NEK3: variants seen among roughly 807,000 people sequenced by gnomAD.
The protein encoded by NEK3 is serine/threonine-protein kinase Nek3.
In NEK3, 54 loss-of-function variants were observed where a neutral mutation model predicts 66.0. The ratio of observed to expected loss-of-function variants is 0.82; its 90% CI spans 0.66 to 1.03. The LOEUF is 1.03. NEK3 is among the 50% of genes least tolerant of loss of function. The pLI is 0.00. For synonymous variants in NEK3, 200 were observed against 206.2 expected (o/e 0.97, Z 0.26); for missense variants, 593 against 603.0 (o/e 0.98, Z 0.17).
chr13:52,145,902 T>C (rs944556458), intron 8 of NEK3, among the ~76,000 whole-genome samples: 1 of 152,186 alleles, frequency 6.6e-6, no homozygotes, highest in African/African-American at 2.4e-5. Context: ...CATTTACCTA[T>C]GTAACAAAGC....
In NEK3 at chr13:52,143,957, C is replaced by A; in HGVS notation, c.835G>T (p.Glu279Ter). 6.7e-7 allele frequency: 1 copy of A among 1,502,906 alleles called. No individual in the cohort carries two copies. The highest frequency in any genetic ancestry group is 9.0e-7 in the Non-Finnish European group (1 of 1,108,968). 93.1% of individuals were successfully genotyped at this position (1,502,906 alleles called of 1,614,324 possible). A position where few individuals can be genotyped will look rare whatever the true frequency, so the allele number is the denominator to read the frequency against. ...IIMEYGEEVL[E>*]EIKNSKHNTP... is the part of the protein sequence containing the mutation. ...TTATGCTTCGAATTTTTTATTTCTT[C>A]TAATACTTCCTCACCATATTCCATG... Residue 279 changes from glutamate (E) to a stop codon, truncating the protein, a stop_gained, in exon 10 of 16, where the codon GAA (glutamate) becomes TAA (stop). Transcript: ENST00000610828. LOFTEE classifies it high-confidence loss of function.
rs1461223475 is a variant in NEK3 at position 52,133,679 on chromosome 13, C to G, written c.1436+10G>C. 1.9e-6 allele frequency: 3 copies of G among 1,551,118 alleles called. No individual in the cohort carries two copies. The highest frequency in any genetic ancestry group is 1.7e-4 in the Middle Eastern group (1 of 6,018). ...CCCAGCTACAGCTTTCTATGCATAT[C>G]ACAACGTACGTGTCCTCCTCATCTA... On this transcript the variant is annotated intron_variant, in intron 15 of 15. Coordinates refer to ENST00000610828, the MANE Select transcript of NEK3 (RefSeq NM_002498.3).
intron 8 of NEK3, among the ~76,000 whole-genome samples, chr13:52,147,094 A>G (rs1300437741): frequency 8.5e-5 from 13 of 152,316 alleles, no homozygotes; most frequent in East Asian, 3.9e-4. Flanking sequence ...TCTTGAAAAA[A>G]CACATTATAG....
In NEK3 at chr13:52,151,855, G is replaced by A. The variant is rs115897854; in HGVS notation, c.394-463C>T. 7.1e-3 allele frequency among the ~76,000 whole-genome samples: 1,087 copies of A among 152,260 alleles called. 12 individuals carry two copies. The highest frequency in any genetic ancestry group is 0.025 in the African/African-American group (1,036 of 41,550). ...CTATAATACCATATTTTTACTGTAC[G>A]TTTTCTATGTTTAAATATACAACTA... On this transcript the variant is annotated intron_variant, in intron 5 of 15. Transcript: ENST00000610828.
chr13:52,151,553 T>C (rs1159949407), intron 5 of NEK3, among the ~76,000 whole-genome samples, 161 bp from the exon 6 acceptor site: 2 of 152,232 alleles, frequency 1.3e-5, no homozygotes, highest in African/African-American at 4.8e-5. Flanking sequence ...TCTTGATCGC[T>C]AGACATTCCC....
intron 11 of NEK3, among the ~76,000 whole-genome samples, chr13:52,138,737 C>T (rs1232109972): frequency 6.6e-6 from 1 of 152,064 alleles, no homozygotes; most frequent in Non-Finnish European, 1.5e-5. Flanking sequence ...CAACACCAGC[C>T]TGGGCAACAT....
At position 52,143,962 on chromosome 13, in the gene NEK3, A is replaced by T; in HGVS notation, c.830T>A (p.Val277Glu). ...CTTCGAATTTTTTATTTCTTCTAAT[A>T]CTTCCTCACCATATTCCATGATGAT... Reference protein sequence around the residue: ...PEIIMEYGEEVLEEIKNSKHN... With the variant: ...PEIIMEYGEEELEEIKNSKHN... The change falls in exon 10 of 16, where the codon GTA becomes GAA. Residue 277 changes from valine (V) to glutamate (E), a missense_variant. Val to Glu is a moderately radical substitution (Grantham distance 121, BLOSUM62 -2). Transcript: ENST00000610828. 1 of 1,506,322 alleles carries T rather than the reference A, an allele frequency of 6.6e-7. No homozygotes were observed. The highest frequency in any genetic ancestry group is 9.0e-7 in the Non-Finnish European group (1 of 1,111,350). 93.3% of individuals were successfully genotyped at this position (1,506,322 alleles called of 1,614,324 possible).
chr13:52,156,045 T>C, intron 2 of NEK3, 30 bp downstream of exon 2: 1 of 1,424,620 alleles, frequency 7.0e-7, no homozygotes, highest in Non-Finnish European at 9.7e-7. Context: ...ATGTATACTT[T>C]CAAAGTGAGC....
chr13:52,135,280 C>T (rs998075323), intron 14 of NEK3, among the ~76,000 whole-genome samples: 4 of 152,036 alleles, frequency 2.6e-5, no homozygotes, highest in Non-Finnish European at 4.4e-5. Context: ...AGGTATACAA[C>T]AAAAGAAATC....
rs138302929 is a variant in NEK3 at position 52,149,794 on chromosome 13, G to A, written c.549-1325C>T. ...TGAGGCAGGAGAATCACTTGAACTC[G>A]TGAGGCAGAGATTGCAGTGAGCCAA... On this transcript the variant is annotated intron_variant, in intron 7 of 15. Coordinates refer to ENST00000610828, the MANE Select transcript of NEK3 (RefSeq NM_002498.3). Among the ~76,000 whole-genome samples, 894 of 151,650 alleles carry A rather than the reference G, an allele frequency of 5.9e-3. 14 individuals are homozygous for A. Among genetic ancestry groups the A allele is most frequent in the African/African-American group, 0.021 (852 of 41,312 alleles).
At chr13:52,153,417 T>G (rs1956363551) in intron 4 of NEK3, among the ~76,000 whole-genome samples, 1 of 152,100 alleles carries the variant, frequency 6.6e-6, no homozygotes, top group Non-Finnish European at 1.5e-5. Context: ...TTAAAAAATA[T>G]TTAGTATGCA....
rs753379305 is a variant in NEK3, at chr13:52,136,087, A to AAATAATG, written c.1174+28_1174+29insCATTATT. ...AACTATTAGAAAAAGTTCTCTAATA[A>AAATAATG]AATAATAGTATTCAATCTGACTACT... On this transcript the variant is annotated intron_variant, in intron 13 of 15. Transcript: ENST00000610828. 12 of 1,610,912 alleles carry AAATAATG rather than the reference A, an allele frequency of 7.4e-6. No homozygotes were observed. The African/African-American group carries it at 1.6e-4, about 22-fold the overall frequency.
At chr13:52,136,940 T>C in intron 11 of NEK3, 38 bp from the exon 12 acceptor site, 1 of 1,355,070 alleles carries the variant, frequency 7.4e-7, no homozygotes, top group South Asian at 1.5e-5. Flanking sequence ...AAATAATGCT[T>C]GAATTGCCAC....
intron 11 of NEK3, among the ~76,000 whole-genome samples, chr13:52,139,583 T>C (rs900594148): frequency 6.6e-6 from 1 of 152,154 alleles, no homozygotes; most frequent in Non-Finnish European, 1.5e-5. Context: ...TTTTATGTTA[T>C]GTATATTCTA....
At chr13:52,144,575 T>C (rs1002329233) in intron 9 of NEK3, 116 bp downstream of exon 9, 10 of 804,300 alleles carry the variant, frequency 1.2e-5, no homozygotes, top group Non-Finnish European at 1.8e-5. Flanking sequence ...TTTTTTAATA[T>C]ACTTCTGTAT....
chr13:52,150,303 C>A (rs964027749), intron 7 of NEK3, among the ~76,000 whole-genome samples: 1 of 152,018 alleles, frequency 6.6e-6, no homozygotes, highest in Non-Finnish European at 1.5e-5. Context: ...ATAAGGCCAA[C>A]AACAGAGGGA....
At chr13:52,145,737 T>A (rs1956290502) in intron 8 of NEK3, among the ~76,000 whole-genome samples, 1 of 152,228 alleles carries the variant, frequency 6.6e-6, no homozygotes, top group Admixed American at 6.5e-5. Context: ...GTAACATTTT[T>A]AAAGTTTTCC....
intron 11 of NEK3, among the ~76,000 whole-genome samples, chr13:52,137,783 T>C (rs1197819858): frequency 2.6e-5 from 4 of 152,256 alleles, no homozygotes; most frequent in Non-Finnish European, 4.4e-5. Context: ...CACATTCCTC[T>C]GGGCGCTATT....
Position 52,144,855 on chromosome 13 carries a change from C to T in NEK3, c.640G>A (p.Val214Ile), listed in dbSNP as rs1046625353. ...AGTGGACTGATGCACCCTTGACATACTTTGAGGATAAGATTTTTCCAACTA... is the reference window on the plus strand; with the variant it reads ...AGTGGACTGATGCACCCTTGACATATTTTGAGGATAAGATTTTTCCAACTA... ...ANSWKNLILK[V>I]CQGCISPLPS... Residue 214 changes from valine (V) to isoleucine (I), a missense_variant, in exon 9 of 16, where the codon GTA (valine) becomes ATA (isoleucine). Physicochemically the swap from Val to Ile is conservative, Grantham distance 29. Transcript: ENST00000610828. 5.0e-6 allele frequency: 8 copies of T among 1,610,600 alleles called. No homozygotes were observed. Among genetic ancestry groups the T allele is most frequent in the Non-Finnish European group, 6.8e-6 (8 of 1,178,326 alleles).
Sources: allele counts gnomAD v4.1 joint callset (sites outside exome capture counted in the v4.1 genomes callset), GRCh38; gene constraint gnomAD v4.1.1; transcripts MANE v1.5; gene names NCBI Gene and HGNC (gene_info 2026-07-23, HGNC 2026-07-21).